The following TFCP2L1 variants were observed in gnomAD, a reference collection of about 807,000 sequenced individuals.
The protein encoded by TFCP2L1 is transcription factor CP2 like 1.
Under a neutral mutation model 72.2 loss-of-function variants are expected in TFCP2L1, and 12 were observed. The ratio of observed to expected loss-of-function variants is 0.17; its 90% CI spans 0.11 to 0.27. The LOEUF is 0.27. TFCP2L1 is among the 10% of genes least tolerant of loss of function. The probability of loss-of-function intolerance (pLI) is 1.00; values close to 1 mark genes in which losing one functional copy is unlikely to be tolerated. For missense variants in TFCP2L1, 488 were observed against 624.6 expected (o/e 0.78, Z 2.33); for synonymous variants, 260 against 251.0 (o/e 1.04, Z -0.34).
At chr2:121,247,026 G>T in intron 5 of TFCP2L1, 56 bp from the exon 6 acceptor site, 1 of 1,601,744 alleles carries the variant, frequency 6.2e-7, no homozygotes, top group African/African-American at 1.3e-5. Flanking sequence ...GGTGCCCCTG[G>T]ATCCCCCAAG....
chr2:121,275,969 T>C (rs1409181921), intron 2 of TFCP2L1, among the ~76,000 whole-genome samples: 1 of 152,208 alleles, frequency 6.6e-6, no homozygotes, highest in Non-Finnish European at 1.5e-5. Context: ...AAGGAAAACA[T>C]ATTTCTAAGC....
chr2:121,285,095 G>A lies in TFCP2L1; in HGVS notation c.15C>T (p.His5=). The part of the protein sequence containing the change: MLFW[H]TQPEHYNQHN... The stretch of plus-strand genomic sequence containing the variant: ...GCTGGTTGTAGTGCTCGGGCTGCGT[G>A]TGCCAGAAGAGCATGGCTGGAACTC... The change falls in exon 1 of 15, where the codon CAC becomes CAT. Residue 5 remains histidine, a synonymous_variant. Transcript: ENST00000263707. The A allele has an allele frequency of 6.6e-7, 1 of 1,518,302 alleles. No homozygotes were observed. Among genetic ancestry groups the A allele is most frequent in the Non-Finnish European group, 8.8e-7 (1 of 1,134,564 alleles). 94.1% of individuals were successfully genotyped at this position (1,518,302 alleles called of 1,614,324 possible). A position where few individuals can be genotyped will look rare whatever the true frequency, so the allele number is the denominator to read the frequency against.
intron 2 of TFCP2L1, among the ~76,000 whole-genome samples, chr2:121,274,600 C>T (rs905886521): frequency 1.3e-5 from 2 of 152,118 alleles, no homozygotes; most frequent in African/African-American, 4.8e-5. Flanking sequence ...AATTCAAAAT[C>T]CAAAATACTT....
chr2:121,273,389 C>T (rs1687084416), intron 2 of TFCP2L1, among the ~76,000 whole-genome samples: 1 of 152,194 alleles, frequency 6.6e-6, no homozygotes, highest in Admixed American at 6.5e-5. Flanking sequence ...CTACAATGAC[C>T]TTTGGCCACT....
At chr2:121,229,177 A>G (rs1686092893) in intron 13 of TFCP2L1, among the ~76,000 whole-genome samples, 1 of 152,142 alleles carries the variant, frequency 6.6e-6, no homozygotes, top group Non-Finnish European at 1.5e-5. Context: ...TCAGCCTCCC[A>G]AAGTGCTGGG....
chr2:121,264,036 G>C (rs1047309442), intron 2 of TFCP2L1, among the ~76,000 whole-genome samples: 1 of 152,216 alleles, frequency 6.6e-6, no homozygotes, highest in Non-Finnish European at 1.5e-5. Context: ...CCAAAGATAA[G>C]GGCAGAATCA....
At chr2:121,259,082 T>C (rs1446488423) in intron 2 of TFCP2L1, among the ~76,000 whole-genome samples, 3 of 152,148 alleles carry the variant, frequency 2.0e-5, no homozygotes, top group Non-Finnish European at 4.4e-5. Flanking sequence ...ACCCTGTCTC[T>C]AGTAAAAATA....
At chr2:121,227,821 G>A (rs1173907413) in intron 13 of TFCP2L1, among the ~76,000 whole-genome samples, 1 of 151,486 alleles carries the variant, frequency 6.6e-6, no homozygotes, top group Non-Finnish European at 1.5e-5. Context: ...GGCCTGCTCT[G>A]GATTACTGCC....
At chr2:121,281,024 C>A in intron 2 of TFCP2L1, 96 bp downstream of exon 2, 1 of 1,544,264 alleles carries the variant, frequency 6.5e-7, no homozygotes. Flanking sequence ...CCCGACCTCA[C>A]CCACCGTAAC....
chr2:121,231,102 A>T (rs1435079437), intron 13 of TFCP2L1, among the ~76,000 whole-genome samples: 2 of 152,130 alleles, frequency 1.3e-5, no homozygotes, highest in Non-Finnish European at 2.9e-5. Context: ...GCATCTGTGA[A>T]ATGGGATAAT....
chr2:121,262,082 A>C (rs1397638973), intron 2 of TFCP2L1, among the ~76,000 whole-genome samples: 1 of 152,202 alleles, frequency 6.6e-6, no homozygotes. Flanking sequence ...TTGGAAGGCC[A>C]AGGCAGGAGG....
chr2:121,225,709 A>C, intron 13 of TFCP2L1, 96 bp from the exon 14 acceptor site: 5 of 1,335,610 alleles, frequency 3.7e-6, no homozygotes, highest in African/African-American at 2.9e-5. Context: ...CTGCAGAAAC[A>C]CCACTGCCAA....
At chr2:121,225,935 C>T (rs987289247) in intron 13 of TFCP2L1, among the ~76,000 whole-genome samples, 1 of 149,664 alleles carries the variant, frequency 6.7e-6, no homozygotes, top group African/African-American at 2.5e-5. Context: ...ACCACTGCCA[C>T]GGTGTCTACA....
At chr2:121,275,559 GAAGT>G (rs919774549) in intron 2 of TFCP2L1, among the ~76,000 whole-genome samples, 15 of 147,004 alleles carry the variant, frequency 1.0e-4, no homozygotes, top group Non-Finnish European at 1.5e-4. Context: ...AAAAAGTATA[GAAGT>G]AAGTCTTTTT....
At chr2:121,238,136 C>G (rs911726195) in intron 8 of TFCP2L1, among the ~76,000 whole-genome samples, 1 of 152,178 alleles carries the variant, frequency 6.6e-6, no homozygotes, top group Non-Finnish European at 1.5e-5. Flanking sequence ...ACATCCCAGG[C>G]CCCTGCTGGC....
intron 5 of TFCP2L1, 86 bp from the exon 6 acceptor site, chr2:121,247,056 G>T (rs891485646): frequency 6.6e-7 from 1 of 1,512,330 alleles, no homozygotes. Flanking sequence ...TATTGGAGGT[G>T]TCCTTCCCTG....
intron 12 of TFCP2L1, among the ~76,000 whole-genome samples, chr2:121,233,696 G>T (rs549688143): frequency 4.2e-4 from 64 of 152,204 alleles, no homozygotes; most frequent in African/African-American, 1.5e-3. Flanking sequence ...GTGGGAGCAG[G>T]AAGGCTGACA....
At chr2:121,260,969 G>C (rs1284305313) in intron 2 of TFCP2L1, among the ~76,000 whole-genome samples, 4 of 152,246 alleles carry the variant, frequency 2.6e-5, no homozygotes, top group Non-Finnish European at 5.9e-5. Context: ...TTACCAGTGA[G>C]AAAGGAGGGC....
chr2:121,240,127 T>G lies in TFCP2L1; in HGVS notation c.769-478A>C, dbSNP rs114272183. On this transcript the variant is annotated intron_variant, in intron 7 of 14. Coordinates refer to ENST00000263707, the MANE Select transcript of TFCP2L1 (RefSeq NM_014553.3). The stretch of plus-strand genomic sequence containing the variant: ...TGTGCTATTTGAAAAAAGAATCTGC[T>G]GACAGGGGCGGAGGCTCTTGCACAA... 5,095 of 984,950 alleles carry G rather than the reference T, an allele frequency of 5.2e-3. 114 individuals carry two copies. The African/African-American group carries it at 0.057, about 11-fold the overall frequency. 61.0% of individuals were successfully genotyped at this position (984,950 alleles called of 1,614,324 possible).
Sources: gnomAD v4.1 joint callset for allele counts (sites outside exome capture counted in the v4.1 genomes callset) on GRCh38, gnomAD v4.1.1 for gene constraint, MANE v1.5 for transcripts, NCBI Gene and HGNC (gene_info 2026-07-23, HGNC 2026-07-21) for gene names.